HSPA4: variants seen among roughly 807,000 people sequenced by gnomAD.
HSPA4 encodes heat shock protein family A (Hsp70) member 4.
A neutral mutation model predicts 106.2 loss-of-function variants in HSPA4; 25 were observed. The observed-to-expected ratio is 0.24, with a 90% CI of 0.17 to 0.33. The LOEUF (loss-of-function observed/expected upper bound fraction) is 0.33. HSPA4 is among the 10% of genes least tolerant of loss of function. The pLI is 1.00. For missense variants in HSPA4, 841 were observed against 996.0 expected, an observed-to-expected ratio of 0.84 and a Z score of 2.10; for synonymous variants, 332 against 333.6, an observed-to-expected ratio of 1.00 and a Z score of 0.05.
chr5:133,081,406 T>G (rs1765513854), intron 7 of HSPA4, among the ~76,000 whole-genome samples: 1 of 152,236 alleles, frequency 6.6e-6, no homozygotes, highest in African/African-American at 2.4e-5. Flanking sequence ...CCCTCTTTTG[T>G]GTTTACTGTG....
At chr5:133,064,367 G>A (rs11747364) in intron 1 of HSPA4, among the ~76,000 whole-genome samples, 2,543 of 152,240 alleles carry the variant, frequency 0.017, 35 homozygotes, top group South Asian at 0.039. Context: ...TTAGCTGGGC[G>A]TGATGGTGCA....
At chr5:133,092,543 C>G (rs977797897) in intron 12 of HSPA4, among the ~76,000 whole-genome samples, 157 bp from the exon 13 acceptor site, 1 of 152,148 alleles carries the variant, frequency 6.6e-6, no homozygotes, top group Non-Finnish European at 1.5e-5. Flanking sequence ...CGGAAAACTT[C>G]TGTGTCCTAG....
At chr5:133,069,921 T>C (rs1765359655) in intron 3 of HSPA4, among the ~76,000 whole-genome samples, 1 of 152,162 alleles carries the variant, frequency 6.6e-6, no homozygotes, top group Non-Finnish European at 1.5e-5. Context: ...TCCCAGCACT[T>C]TGGGAGGCCG....
chr5:133,068,810 T>C (rs1434190580), intron 3 of HSPA4, among the ~76,000 whole-genome samples: 1 of 152,096 alleles, frequency 6.6e-6, no homozygotes, highest in Admixed American at 6.6e-5. Flanking sequence ...TTCATAAGCA[T>C]TGCAAGAAGC....
Position 133,105,609 on chromosome 5 carries a change from C to G in HSPA4, c.*1173C>G, listed in dbSNP as rs1224731707. On this transcript the variant is annotated 3_prime_UTR_variant, in exon 19 of 19. Coordinates refer to ENST00000304858, the MANE Select transcript of HSPA4 (RefSeq NM_002154.4). Reference sequence around the variant, plus strand: ...CAGGAGTGAGGCATTTTGGAAACTCCAAGGGAAGCCTGTGTTTGAGGCCAG... The same window carrying G: ...CAGGAGTGAGGCATTTTGGAAACTCGAAGGGAAGCCTGTGTTTGAGGCCAG... 1.3e-5 allele frequency: 2 copies of G among 152,100 alleles called. No individual in the cohort carries two copies. The highest frequency in any genetic ancestry group is 2.9e-5 in the Non-Finnish European group (2 of 68,022). 9.4% of individuals were successfully genotyped at this position (152,100 alleles called of 1,614,324 possible).
chr5:133,097,544 CTTTTCTTTTT>C (rs1561586539), intron 15 of HSPA4, among the ~76,000 whole-genome samples: 1 of 136,566 alleles, frequency 7.3e-6, no homozygotes, highest in Non-Finnish European at 1.6e-5. Context: ...TCTTTCTTTT[CTTTTCTTTTT>C]TTTTTTTTTT....
intron 2 of HSPA4, among the ~76,000 whole-genome samples, chr5:133,065,475 G>C (rs1328153604): frequency 6.6e-6 from 1 of 152,146 alleles, no homozygotes; most frequent in Non-Finnish European, 1.5e-5. Context: ...GAGTGCCCTG[G>C]AATCAGTCCC....
chr5:133,085,702 C>A (rs917664949), intron 7 of HSPA4, among the ~76,000 whole-genome samples: 1 of 151,438 alleles, frequency 6.6e-6, no homozygotes, highest in Non-Finnish European at 1.5e-5. Flanking sequence ...AAAAACTATG[C>A]AGACAATAAA....
In HSPA4 at chr5:133,090,573, C is replaced by T. The variant is rs149728886; in HGVS notation, c.1379-620C>T. On this transcript the variant is annotated intron_variant, in intron 11 of 18. Transcript: ENST00000304858. The stretch of plus-strand genomic sequence containing the variant: ...GGGAAACTCTTATCTGGAAATAATA[C>T]TAGTTGAGAAGAGATAGAAACTAGT... 4.6e-5 allele frequency among the ~76,000 whole-genome samples: 7 copies of T among 150,664 alleles called. 2 individuals are homozygous for T. The highest frequency in any genetic ancestry group is 6.6e-5 in the Admixed American group (1 of 15,146).
chr5:133,057,382 A>G (rs1216918566), intron 1 of HSPA4, among the ~76,000 whole-genome samples: 1 of 148,954 alleles, frequency 6.7e-6, no homozygotes, highest in Non-Finnish European at 1.5e-5. Flanking sequence ...TTTTTGAGAC[A>G]ATGTCCCACT....
chr5:133,059,818 C>G (rs986485292), intron 1 of HSPA4, among the ~76,000 whole-genome samples: 8 of 152,140 alleles, frequency 5.3e-5, no homozygotes, highest in African/African-American at 1.9e-4. Flanking sequence ...CCAGAAGGCT[C>G]TGTAATGAGA....
rs1480267501 is a variant in HSPA4 at position 133,100,768 on chromosome 5, T to C, written c.2038-991T>C. Among the ~76,000 whole-genome samples the C allele has an allele frequency of 3.3e-5, 5 of 152,318 alleles. No homozygotes were observed. In the East Asian group the frequency reaches 5.8e-4, roughly 18 times the overall value. On this transcript the variant is annotated intron_variant, in intron 16 of 18. Transcript: ENST00000304858. ...GTTGCAGATGCACAAGAATGAACTT[T>C]TTACATTTCTCTTTAAATTTAGCTC...
intron 7 of HSPA4, among the ~76,000 whole-genome samples, chr5:133,079,181 C>G (rs1381451652): frequency 1.3e-5 from 2 of 152,150 alleles, no homozygotes; most frequent in Admixed American, 6.5e-5. Flanking sequence ...TTAAAGTAAA[C>G]AATTCACTGG....
At chr5:133,064,156 A>G (rs999494137) in intron 1 of HSPA4, among the ~76,000 whole-genome samples, 6 of 152,232 alleles carry the variant, frequency 3.9e-5, no homozygotes, top group African/African-American at 1.4e-4. Context: ...GAGATTGTGT[A>G]TGAATTGGTG....
intron 2 of HSPA4, 99 bp downstream of exon 2, chr5:133,065,136 C>CA: frequency 6.2e-6 from 6 of 964,896 alleles, no homozygotes; most frequent in Non-Finnish European, 9.9e-6. Flanking sequence ...CACTGGTAGG[C>CA]CTTGGGAATA....
At chr5:133,081,569 C>T (rs964562066) in intron 7 of HSPA4, among the ~76,000 whole-genome samples, 2 of 152,062 alleles carry the variant, frequency 1.3e-5, no homozygotes, top group East Asian at 1.9e-4. Flanking sequence ...ATGCCAAACC[C>T]CTGCTGATTT....
chr5:133,054,166 G>A (rs974013293), intron 1 of HSPA4, among the ~76,000 whole-genome samples: 46 of 152,052 alleles, frequency 3.0e-4, no homozygotes, highest in Admixed American at 2.0e-4. Flanking sequence ...CCTTTGCTGA[G>A]TTTAGTCTTG....
At chr5:133,079,847 A>G (rs762618778) in intron 7 of HSPA4, among the ~76,000 whole-genome samples, 1 of 152,184 alleles carries the variant, frequency 6.6e-6, no homozygotes, top group Non-Finnish European at 1.5e-5. Flanking sequence ...TTGGAAGTGC[A>G]TTCTCCTGCA....
intron 15 of HSPA4, among the ~76,000 whole-genome samples, chr5:133,097,544 CTTTTCTTTTTT>C (rs1765727939): frequency 7.3e-6 from 1 of 136,566 alleles, no homozygotes; most frequent in Non-Finnish European, 1.6e-5. Context: ...TCTTTCTTTT[CTTTTCTTTTTT>C]TTTTTTTTTT....
Sources: gnomAD v4.1 joint callset for allele counts (sites outside exome capture counted in the v4.1 genomes callset) on GRCh38, gnomAD v4.1.1 for gene constraint, MANE v1.5 for transcripts, NCBI Gene and HGNC (gene_info 2026-07-23, HGNC 2026-07-21) for gene names.